NBPF20: variants seen among roughly 807,000 people sequenced by gnomAD.
NBPF20 encodes the protein NBPF family member NBPF20.
NBPF20 carries 90 observed loss-of-function variants against 68.1 expected under a neutral mutation model. That is an observed-to-expected ratio of 1.32 (90% CI 1.11 to 1.58). The LOEUF is 1.58. Among genes scored for constraint, NBPF20 ranks in the 40% most tolerant of loss-of-function variants. The pLI is 0.00. For missense variants in NBPF20, 816 were observed against 601.2 expected, an observed-to-expected ratio of 1.36 and a Z score of -3.74; for synonymous variants, 290 against 228.1, an observed-to-expected ratio of 1.27 and a Z score of -2.45.
chr1:145,291,923 G>T (rs587673586), intron 137 of NBPF20, among the ~76,000 whole-genome samples, 154 bp from the exon 143 acceptor site: 2 of 151,672 alleles, frequency 1.3e-5, no homozygotes, highest in Non-Finnish European at 1.5e-5. Context: ...CTATATGTTG[G>T]GATAGAACAG....
chr1:145,400,925 C>A (rs1433437299), intron 5 of NBPF20, 134 bp downstream of exon 10: 37 of 1,125,846 alleles, frequency 3.3e-5, no homozygotes, highest in Non-Finnish European at 4.7e-5. Context: ...TGTGTCTAAG[C>A]TGGGTTATAT....
At chr1:145,410,807 T>C in the NBPF20 span, among the ~76,000 whole-genome samples, 4 of 49,966 alleles carry the variant, frequency 8.0e-5, no homozygotes. Flanking sequence ...CGTATATGTA[T>C]ATATATACGT....
intron 7 of NBPF20, among the ~76,000 whole-genome samples, chr1:145,398,056 A>G (rs1373951797): frequency 6.6e-6 from 1 of 152,206 alleles, no homozygotes; most frequent in Non-Finnish European, 1.5e-5. Context: ...TATGCACCGT[A>G]TACAGGAGCA....
At chr1:145,291,409 G>A (rs1293874845) in exon 138 of NBPF20, 9 of 1,601,240 alleles carry the variant, frequency 5.6e-6, no homozygotes, top group South Asian at 3.4e-5. Flanking sequence ...ATACAGCCAT[G>A]CCCACTGACC....
chr1:145,415,064 G>C, the NBPF20 span, among the ~76,000 whole-genome samples: 2 of 152,034 alleles, frequency 1.3e-5, no homozygotes, highest in African/African-American at 4.8e-5. Context: ...GATCATTATC[G>C]GGCATTTCCG....
At chr1:145,402,482 C>T (rs1553665655) in intron 3 of NBPF20, 101 bp from the exon 9 acceptor site, 68 of 1,306,028 alleles carry the variant, frequency 5.2e-5, no homozygotes, top group East Asian at 1.6e-4. Context: ...AAGGAGACCT[C>T]GAAGCAGAAG....
At chr1:145,393,121 A>C in exon 10 of NBPF20, 2 of 682,270 alleles carry the variant, frequency 2.9e-6, no homozygotes, top group Non-Finnish European at 4.9e-6. Context: ...CAATACGTAA[A>C]AGGCACTTCT....
intron 119 of NBPF20, among the ~76,000 whole-genome samples, chr1:145,306,290 C>G (rs1661407070): frequency 6.7e-6 from 1 of 149,062 alleles, no homozygotes; most frequent in Non-Finnish European, 1.5e-5. Flanking sequence ...CACACACACA[C>G]ACACACACAG....
At chr1:145,400,221 G>C (rs1180265065) in intron 6 of NBPF20, among the ~76,000 whole-genome samples, 168 bp downstream of exon 11, 15 of 152,292 alleles carry the variant, frequency 9.8e-5, no homozygotes, top group East Asian at 3.9e-4. Context: ...GGGACTGGCA[G>C]ACAAAGTCAT....
the NBPF20 span, among the ~76,000 whole-genome samples, chr1:145,421,985 C>T: frequency 6.6e-6 from 1 of 152,024 alleles, no homozygotes; most frequent in Non-Finnish European, 1.5e-5. Flanking sequence ...CTGCAGAGAC[C>T]CATGATCATA....
intron 2 of NBPF20, among the ~76,000 whole-genome samples, chr1:145,404,485 C>G (rs1553666442): frequency 6.6e-6 from 1 of 152,148 alleles, no homozygotes; most frequent in Non-Finnish European, 1.5e-5. Context: ...TCTCAAACTC[C>G]TGACCTCGTG....
At chr1:145,410,779 TAC>T in the NBPF20 span, among the ~76,000 whole-genome samples, 304 of 128,760 alleles carry the variant, frequency 2.4e-3, 2 homozygotes, top group Middle Eastern at 3.8e-3. Context: ...TATATATATA[TAC>T]ACACACATAT....
At chr1:145,403,169 A>T (rs2101582309) in intron 3 of NBPF20, 47 bp downstream of exon 8, 1 of 1,610,036 alleles carries the variant, frequency 6.2e-7, no homozygotes, top group Non-Finnish European at 8.5e-7. Flanking sequence ...TGTATTTCAG[A>T]GATTTACACA....
At chr1:145,291,511 C>T (rs782000257) in exon 138 of NBPF20, 2 of 1,612,008 alleles carry the variant, frequency 1.2e-6, no homozygotes, top group Non-Finnish European at 1.7e-6. Flanking sequence ...CATCTCTCGG[C>T]TTAGTAAGGG....
At chr1:145,298,379 C>CACACACACACACAT (rs1661343443) in intron 129 of NBPF20, among the ~76,000 whole-genome samples, 1 of 136,264 alleles carries the variant, frequency 7.3e-6, no homozygotes, top group African/African-American at 3.5e-5. Context: ...CAGACACACA[C>CACACACACACACAT]ACACACACAG....
At chr1:145,291,473 T>G in exon 138 of NBPF20, 2 of 1,611,994 alleles carry the variant, frequency 1.2e-6, no homozygotes, top group Non-Finnish European at 8.5e-7. Context: ...AATCTTCACG[T>G]GCCTATAGGT....
At chr1:145,412,661 A>G in the NBPF20 span, among the ~76,000 whole-genome samples, 2,337 of 146,370 alleles carry the variant, frequency 0.016, 37 homozygotes, top group Middle Eastern at 0.061. Flanking sequence ...TATGGGCTAG[A>G]TTAGAGAGAA....
At chr1:145,419,135 G>C in the NBPF20 span, among the ~76,000 whole-genome samples, 11 of 139,908 alleles carry the variant, frequency 7.9e-5, no homozygotes, top group South Asian at 2.7e-3. Context: ...GAGGAAGGGA[G>C]GAAGGAAGGA....
chr1:145,400,993 G>C, intron 5 of NBPF20, 66 bp downstream of exon 10: 1 of 1,528,588 alleles, frequency 6.5e-7, no homozygotes, highest in East Asian at 2.2e-5. Flanking sequence ...TGCCAGAGAG[G>C]GTGTGCCTCC....
Sources: allele counts gnomAD v4.1 joint callset (sites outside exome capture counted in the v4.1 genomes callset), GRCh38; gene constraint gnomAD v4.1.1; transcripts MANE v1.5; gene names NCBI Gene and HGNC (gene_info 2026-07-23, HGNC 2026-07-21).